CNOT1: variants seen among roughly 807,000 people sequenced by gnomAD.
The protein encoded by CNOT1 is CCR4-NOT transcription complex subunit 1.
Under a neutral mutation model 273.8 loss-of-function variants are expected in CNOT1, and 15 were observed. The observed-to-expected ratio is 0.05, with a 90% CI of 0.04 to 0.08. The LOEUF (loss-of-function observed/expected upper bound fraction) is 0.08. Ranked by LOEUF, CNOT1 falls within the 10% of genes least tolerant of loss-of-function variation. The probability of loss-of-function intolerance (pLI) is 1.00; values close to 1 mark genes in which losing one functional copy is unlikely to be tolerated. For synonymous variants in CNOT1, 1,022 were observed against 1,005.5 expected (o/e 1.02, Z -0.31); for missense variants, 1,644 against 2,912.2 (o/e 0.56, Z 10.02).
At position 58,523,514 on chromosome 16, in the gene CNOT1, G is replaced by A. The variant is rs1379550723; in HGVS notation, c.6785-12C>T. The A allele has an allele frequency of 6.2e-7, 1 of 1,613,542 alleles. No individual in the cohort carries two copies. ...AAAGAGATAGCGACCTAGAAATTAA[G>A]AAACCTTGACTTAGGACTTAGTCTG... On this transcript the variant is annotated splice_polypyrimidine_tract_variant and intron_variant, in intron 46 of 48. Transcript: ENST00000317147.
intron 6 of CNOT1, 87 bp from the exon 7 acceptor site, chr16:58,586,835 A>G: frequency 7.1e-7 from 1 of 1,402,282 alleles, no homozygotes; most frequent in East Asian, 2.3e-5. Flanking sequence ...GCAGATAATC[A>G]CCCTTCTCAT....
chr16:58,629,223 A>T (rs955564403), intron 1 of CNOT1, among the ~76,000 whole-genome samples: 4 of 152,240 alleles, frequency 2.6e-5, no homozygotes, highest in African/African-American at 9.6e-5. Context: ...CTCCGAGTAC[A>T]CGGAGAAGAA....
chr16:58,572,598 T>TAC (rs1359989634), intron 16 of CNOT1, among the ~76,000 whole-genome samples: 72 of 149,390 alleles, frequency 4.8e-4, no homozygotes, highest in African/African-American at 1.5e-3. Flanking sequence ...CTGGGTGACA[T>TAC]ACACACACAC....
intron 2 of CNOT1, 42 bp downstream of exon 2, chr16:58,599,194 T>C: frequency 1.9e-6 from 3 of 1,613,418 alleles, no homozygotes; most frequent in Non-Finnish European, 2.5e-6. Context: ...CACTGTCTAC[T>C]CATTCCTTTA....
At chr16:58,574,575 C>T in intron 16 of CNOT1, 34 bp downstream of exon 16, 1 of 1,536,550 alleles carries the variant, frequency 6.5e-7, no homozygotes, top group African/African-American at 1.4e-5. Flanking sequence ...TAATCCAATT[C>T]AAAAAAAGTC....
At chr16:58,564,528 GAC>G (rs1019316242) in intron 16 of CNOT1, among the ~76,000 whole-genome samples, 1 of 152,052 alleles carries the variant, frequency 6.6e-6, no homozygotes, top group African/African-American at 2.4e-5. Context: ...TGTAATATAA[GAC>G]ACATCACCAA....
intron 2 of CNOT1, among the ~76,000 whole-genome samples, chr16:58,592,485 G>A (rs1378640126): frequency 2.0e-5 from 3 of 152,132 alleles, no homozygotes; most frequent in Non-Finnish European, 2.9e-5. Flanking sequence ...GGGTGAGGCA[G>A]GATGATCACT....
At chr16:58,602,140 C>T (rs753593565) in intron 1 of CNOT1, among the ~76,000 whole-genome samples, 2 of 151,780 alleles carry the variant, frequency 1.3e-5, no homozygotes, top group Non-Finnish European at 2.9e-5. Context: ...ACAATCTTGG[C>T]TCACTGCAAC....
intron 2 of CNOT1, among the ~76,000 whole-genome samples, chr16:58,590,367 G>C (rs567240167): frequency 6.6e-6 from 1 of 152,152 alleles, no homozygotes; most frequent in Non-Finnish European, 1.5e-5. Flanking sequence ...AGCTGTCTAA[G>C]TTCTTAGCTT....
intron 2 of CNOT1, chr16:58,597,862 T>G (rs1407792221): frequency 2.9e-6 from 1 of 350,374 alleles, no homozygotes; most frequent in Non-Finnish European, 5.4e-6. Flanking sequence ...AGGGCAAGGG[T>G]CTGGCTGGAC....
chr16:58,592,398 C>T (rs2042094240), intron 2 of CNOT1, among the ~76,000 whole-genome samples: 1 of 151,988 alleles, frequency 6.6e-6, no homozygotes, highest in African/African-American at 2.4e-5. Flanking sequence ...GCTGTAAAAG[C>T]AATTGTTAAA....
chr16:58,616,467 G>C (rs1380991310), intron 1 of CNOT1, among the ~76,000 whole-genome samples: 1 of 151,924 alleles, frequency 6.6e-6, no homozygotes, highest in African/African-American at 2.4e-5. Context: ...ATATTGCCCA[G>C]GCTGGTCTCA....
chr16:58,602,716 G>A (rs530171766), intron 1 of CNOT1, among the ~76,000 whole-genome samples: 40 of 151,614 alleles, frequency 2.6e-4, no homozygotes, highest in Non-Finnish European at 5.6e-4. Flanking sequence ...GGGCAACAGA[G>A]TGAGACTCTG....
chr16:58,587,549 T>C (rs2041915744), intron 4 of CNOT1, 136 bp from the exon 5 acceptor site: 15 of 1,300,656 alleles, frequency 1.2e-5, no homozygotes, highest in Non-Finnish European at 1.6e-5. Flanking sequence ...CATTACACTA[T>C]GTCCTAAAAC....
At chr16:58,525,838 T>C (rs2039564761) in intron 45 of CNOT1, 151 bp downstream of exon 45, 1 of 661,888 alleles carries the variant, frequency 1.5e-6, no homozygotes, top group South Asian at 2.1e-5. Context: ...TTAAATGAAC[T>C]AGTAAAATAC....
Position 58,547,328 on chromosome 16 carries a change from GA to G in CNOT1, c.3640-33del, listed in dbSNP as rs765502402. ...TAAGAAAAATACTTTCAAAAGCGGG[GA>G]ATATACCCCCCAAAATGGTATAACA... is the stretch of plus-strand genomic sequence containing the variant. On this transcript the variant is annotated intron_variant, in intron 26 of 48. Coordinates refer to ENST00000317147, the MANE Select transcript of CNOT1 (RefSeq NM_016284.5). This position sits in a 1 kb window ranked among gnomAD's most constrained non-coding sequence, Gnocchi z 4.0. 1 of 1,609,564 alleles carries G rather than the reference GA, an allele frequency of 6.2e-7. No individual in the cohort carries two copies. The highest frequency in any genetic ancestry group is 1.1e-5 in the South Asian group (1 of 89,824).
At chr16:58,606,915 G>A (rs2042700825) in intron 1 of CNOT1, among the ~76,000 whole-genome samples, 1 of 78,286 alleles carries the variant, frequency 1.3e-5, no homozygotes, top group Non-Finnish European at 2.7e-5. Context: ...ACTACCTACT[G>A]CAGAGCTGGG....
At chr16:58,559,894 G>A (rs758177538) in intron 17 of CNOT1, 11 of 625,942 alleles carry the variant, frequency 1.8e-5, no homozygotes, top group Non-Finnish European at 2.8e-5. Flanking sequence ...GGCCCGTGAA[G>A]CTACAAACAA....
rs372234256 is a variant in CNOT1 at position 58,615,649 on chromosome 16, C to T, written c.-175+14079G>A. 1.6e-3 allele frequency among the ~76,000 whole-genome samples: 201 copies of T among 125,860 alleles called. 37 individuals carry two copies. The highest frequency in any genetic ancestry group is 5.3e-3 in the African/African-American group (198 of 37,490). The allele number at this position is 125,860 out of a possible 152,430, so 82.6% of individuals were successfully genotyped here. A position where few individuals can be genotyped will look rare whatever the true frequency, so the allele number is the denominator to read the frequency against. ...GCTGTTATCTTGGATTTGTTTTAGG[C>T]CTGTTTTGCCTAATAACAGACAAAA... On this transcript the variant is annotated intron_variant, in intron 1 of 48. Coordinates refer to ENST00000317147, the MANE Select transcript of CNOT1 (RefSeq NM_016284.5).
Sources: allele counts gnomAD v4.1 joint callset (sites outside exome capture counted in the v4.1 genomes callset), GRCh38; gene constraint gnomAD v4.1.1; non-coding constraint Gnocchi (gnomAD v3.1); transcripts MANE v1.5; gene names NCBI Gene and HGNC (gene_info 2026-07-23, HGNC 2026-07-21).